SAMD5: variants seen among roughly 807,000 people sequenced by gnomAD.
SAMD5 encodes the protein sterile alpha motif domain containing 5, also known as sterile alpha motif domain-containing protein 5.
In SAMD5, 13 loss-of-function variants were observed where a neutral mutation model predicts 11.3. The ratio of observed to expected loss-of-function variants is 1.15; its 90% confidence interval spans 0.75 to 1.83. The LOEUF is 1.83. Ranked by LOEUF, SAMD5 falls within the 40% of genes most tolerant of loss-of-function variation. The pLI is 0.00. For synonymous variants in SAMD5, 129 were observed against 111.3 expected (o/e 1.16, Z -1.00); for missense variants, 255 against 239.1 (o/e 1.07, Z -0.44).
At chr6:147,746,739 T>C in the SAMD5 span, among the ~76,000 whole-genome samples, 1 of 152,294 alleles carries the variant, frequency 6.6e-6, no homozygotes, top group African/African-American at 2.4e-5. Context: ...TTTCAAAAAC[T>C]ATGGGTTGGT....
intron 1 of SAMD5, among the ~76,000 whole-genome samples, chr6:147,515,176 G>GTTTTTTTTTTTTTTTTTTTTTTT (rs71031029): frequency 1.3e-5 from 1 of 75,018 alleles, no homozygotes; most frequent in Non-Finnish European, 2.5e-5. Flanking sequence ...ATCCTTCCAG[G>GTTTTTTTTTTTTTTTTTTTTTTT]TTTTTTTTTT....
At chr6:147,543,684 A>G (rs1426555256) in intron 1 of SAMD5, among the ~76,000 whole-genome samples, 1 of 152,246 alleles carries the variant, frequency 6.6e-6, no homozygotes, top group East Asian at 1.9e-4. Context: ...TGACAAAGAC[A>G]AATCTGTGAA....
At chr6:147,912,479 A>G in the SAMD5 span, among the ~76,000 whole-genome samples, 1 of 150,812 alleles carries the variant, frequency 6.6e-6, no homozygotes, top group Non-Finnish European at 1.5e-5. Flanking sequence ...TTAAATAGCT[A>G]TTAAATAGAG....
intron 1 of SAMD5, among the ~76,000 whole-genome samples, chr6:147,520,641 C>T (rs1788239361): frequency 6.6e-6 from 1 of 152,114 alleles, no homozygotes; most frequent in African/African-American, 2.4e-5. Context: ...TATACTGATA[C>T]ACAAAACTAG....
intron 1 of SAMD5, among the ~76,000 whole-genome samples, chr6:147,706,163 ATT>A (rs970374569): frequency 1.3e-5 from 2 of 151,916 alleles, no homozygotes; most frequent in Non-Finnish European, 2.9e-5. Flanking sequence ...AATTTTAACT[ATT>A]TGGTTATGAT....
intron 1 of SAMD5, among the ~76,000 whole-genome samples, chr6:147,631,229 T>C (rs903762584): frequency 6.6e-6 from 1 of 152,020 alleles, no homozygotes; most frequent in African/African-American, 2.4e-5. Context: ...TTTGGATGAA[T>C]TGAGAAACTA....
At chr6:147,727,924 G>A (rs1191206088) in intron 1 of SAMD5, among the ~76,000 whole-genome samples, 1 of 152,174 alleles carries the variant, frequency 6.6e-6, no homozygotes, top group Non-Finnish European at 1.5e-5. Flanking sequence ...TGGTTAAATA[G>A]AAGTACAGAA....
chr6:147,806,590 A>G, the SAMD5 span, among the ~76,000 whole-genome samples: 2 of 152,158 alleles, frequency 1.3e-5, no homozygotes, highest in Non-Finnish European at 2.9e-5. Flanking sequence ...GCCTGCCTAT[A>G]CCACTGAACT....
At chr6:147,663,651 G>T (rs373599117) in intron 1 of SAMD5, among the ~76,000 whole-genome samples, 6 of 151,558 alleles carry the variant, frequency 4.0e-5, no homozygotes, top group African/African-American at 1.5e-4. Context: ...AATTAGCCAG[G>T]TGTGGTGGTG....
intron 1 of SAMD5, among the ~76,000 whole-genome samples, chr6:147,523,366 C>A (rs943295660): frequency 6.6e-6 from 1 of 152,038 alleles, no homozygotes; most frequent in African/African-American, 2.4e-5. Context: ...TTAAAAAGGT[C>A]ATTGAAGCAA....
At chr6:147,602,551 C>CA (rs2128448303) in intron 1 of SAMD5, among the ~76,000 whole-genome samples, 1 of 152,244 alleles carries the variant, frequency 6.6e-6, no homozygotes, top group Admixed American at 6.5e-5. Flanking sequence ...CAAGACCAGC[C>CA]TGGCCAACAT....
intron 1 of SAMD5, among the ~76,000 whole-genome samples, chr6:147,639,454 C>T (rs1240086210): frequency 6.6e-6 from 1 of 152,164 alleles, no homozygotes; most frequent in East Asian, 1.9e-4. Context: ...CAAAGCACAG[C>T]CCGTGATGAG....
the SAMD5 span, among the ~76,000 whole-genome samples, chr6:147,941,852 G>GGTTT: frequency 0.011 from 1,503 of 132,828 alleles, 17 homozygotes; most frequent in African/African-American, 0.037. Flanking sequence ...GTGTGAAGTT[G>GGTTT]GTTTGTTTGT....
chr6:147,948,525 G>A, the SAMD5 span, among the ~76,000 whole-genome samples: 6 of 152,038 alleles, frequency 3.9e-5, no homozygotes, highest in African/African-American at 1.2e-4. Context: ...AGAAGTAATT[G>A]TTCTTTAAAA....
chr6:147,683,210 A>G (rs905845604), intron 1 of SAMD5, among the ~76,000 whole-genome samples: 3 of 152,232 alleles, frequency 2.0e-5, no homozygotes, highest in African/African-American at 7.2e-5. Context: ...AATTGACTGT[A>G]TGATGAATGT....
At chr6:147,767,729 GAAAC>G in the SAMD5 span, among the ~76,000 whole-genome samples, 12 of 152,238 alleles carry the variant, frequency 7.9e-5, no homozygotes, top group Admixed American at 1.3e-4. Context: ...TGGACAGTGA[GAAAC>G]AAATACCTGT....
intron 1 of SAMD5, among the ~76,000 whole-genome samples, chr6:147,618,641 C>A (rs1394167297): frequency 1.3e-5 from 2 of 152,194 alleles, no homozygotes; most frequent in Non-Finnish European, 2.9e-5. Flanking sequence ...CACTAACACC[C>A]AGTCCTTGGC....
chr6:147,837,061 A>G, the SAMD5 span, among the ~76,000 whole-genome samples: 1 of 152,252 alleles, frequency 6.6e-6, no homozygotes, highest in African/African-American at 2.4e-5. Context: ...GAGAATTTCA[A>G]TATGCTCTTC....
the SAMD5 span, among the ~76,000 whole-genome samples, chr6:147,860,127 G>T: frequency 6.6e-6 from 1 of 152,062 alleles, no homozygotes. Flanking sequence ...CTCTCTGAAG[G>T]CTCCAGGGGA....
Sources: gnomAD v4.1 joint callset for allele counts (sites outside exome capture counted in the v4.1 genomes callset) on GRCh38, gnomAD v4.1.1 for gene constraint, MANE v1.5 for transcripts, NCBI Gene and HGNC (gene_info 2026-07-23, HGNC 2026-07-21) for gene names.